NR3C2: variants seen among roughly 807,000 people sequenced by gnomAD.
NR3C2 encodes nuclear receptor subfamily 3 group C member 2, also known as mineralocorticoid receptor.
In NR3C2, 15 loss-of-function variants were observed where a neutral mutation model predicts 86.4. The observed-to-expected ratio is 0.17, with a 90% CI of 0.12 to 0.27. The LOEUF (loss-of-function observed/expected upper bound fraction) is 0.27. Among genes scored for constraint, NR3C2 ranks in the 10% least tolerant of loss-of-function variants. NR3C2 has a pLI of 1.00. For missense variants in NR3C2, 960 were observed against 1,195.6 expected, an observed-to-expected ratio of 0.80 and a Z score of 2.91; for synonymous variants, 458 against 450.5, an observed-to-expected ratio of 1.02 and a Z score of -0.21.
chr4:148,216,516 G>A (rs556105848), intron 3 of NR3C2, among the ~76,000 whole-genome samples: 1 of 152,262 alleles, frequency 6.6e-6, no homozygotes, highest in Admixed American at 6.5e-5. Context: ...CAAGCAGACA[G>A]GCTCTGGCAC....
At chr4:148,158,150 C>T (rs887429535) in intron 4 of NR3C2, among the ~76,000 whole-genome samples, 16 of 152,192 alleles carry the variant, frequency 1.1e-4, no homozygotes, top group African/African-American at 3.9e-4. Context: ...TGACCAAGAA[C>T]TGCCCAGGAG....
At chr4:148,295,637 C>T (rs1025064810) in intron 2 of NR3C2, among the ~76,000 whole-genome samples, 1 of 151,168 alleles carries the variant, frequency 6.6e-6, no homozygotes, top group African/African-American at 2.4e-5. Flanking sequence ...TCCAAGATAC[C>T]TGAGCTCATG....
intron 8 of NR3C2, among the ~76,000 whole-genome samples, chr4:148,093,006 C>T (rs147668524): frequency 7.2e-5 from 11 of 152,334 alleles, no homozygotes; most frequent in Admixed American, 2.0e-4. Flanking sequence ...ACCCTAATTA[C>T]AATCAGCAAT....
At chr4:148,364,409 T>C (rs1012611980) in intron 2 of NR3C2, among the ~76,000 whole-genome samples, 1 of 152,172 alleles carries the variant, frequency 6.6e-6, no homozygotes, top group Non-Finnish European at 1.5e-5. Flanking sequence ...AAAAGTAATC[T>C]TCTTTGCTTC....
chr4:148,286,779 T>C (rs1741543175), intron 2 of NR3C2, among the ~76,000 whole-genome samples: 2 of 152,340 alleles, frequency 1.3e-5, no homozygotes, highest in South Asian at 4.1e-4. Flanking sequence ...TCTAATTTTA[T>C]ATACATCAAC....
At chr4:148,211,829 T>C (rs1163495788) in intron 3 of NR3C2, among the ~76,000 whole-genome samples, 1 of 152,244 alleles carries the variant, frequency 6.6e-6, no homozygotes, top group South Asian at 2.1e-4. Context: ...TCCAATCATT[T>C]TCTGGTGGAC....
intron 2 of NR3C2, among the ~76,000 whole-genome samples, chr4:148,336,669 T>C (rs764770561): frequency 1.4e-4 from 22 of 152,154 alleles, no homozygotes; most frequent in Non-Finnish European, 2.9e-4. Flanking sequence ...AGAACAGAGT[T>C]TTCTAGATTT....
At chr4:148,126,072 G>A (rs1406208551) in intron 6 of NR3C2, among the ~76,000 whole-genome samples, 1 of 152,174 alleles carries the variant, frequency 6.6e-6, no homozygotes, top group African/African-American at 2.4e-5. Context: ...ATATGCATTT[G>A]ATTCCTTAAG....
chr4:148,331,150 A>G (rs1485112100), intron 2 of NR3C2, among the ~76,000 whole-genome samples: 1 of 151,890 alleles, frequency 6.6e-6, no homozygotes, highest in Non-Finnish European at 1.5e-5. Context: ...ATCTAATCCC[A>G]AACTTTGTCA....
intron 2 of NR3C2, among the ~76,000 whole-genome samples, chr4:148,343,867 C>T (rs1176433085): frequency 6.6e-6 from 1 of 152,106 alleles, no homozygotes; most frequent in Non-Finnish European, 1.5e-5. Flanking sequence ...ATTACAACTG[C>T]TTCATAGAAA....
At chr4:148,401,617 C>T (rs1300951754) in intron 2 of NR3C2, among the ~76,000 whole-genome samples, 6 of 151,992 alleles carry the variant, frequency 3.9e-5, no homozygotes, top group Admixed American at 1.3e-4. Context: ...GCACCCGCCA[C>T]CACGCCCGGC....
intron 2 of NR3C2, among the ~76,000 whole-genome samples, chr4:148,387,337 C>T (rs1285191032): frequency 2.0e-5 from 3 of 152,140 alleles, no homozygotes; most frequent in Admixed American, 6.6e-5. Context: ...TCAGATCCAA[C>T]GACATTACAA....
chr4:148,136,065 A>AT (rs1733305824), intron 6 of NR3C2, among the ~76,000 whole-genome samples: 1 of 96,840 alleles, frequency 1.0e-5, no homozygotes, highest in Non-Finnish European at 2.3e-5. Context: ...TCAAAAAAAA[A>AT]AAAAAAAAAA....
intron 3 of NR3C2, among the ~76,000 whole-genome samples, chr4:148,246,450 C>T (rs768078472): frequency 3.0e-4 from 46 of 152,172 alleles, no homozygotes; most frequent in Admixed American, 8.5e-4. Context: ...GTATCATATC[C>T]ACAAGTATCT....
chr4:148,242,014 G>GT (rs2149849146), intron 3 of NR3C2, among the ~76,000 whole-genome samples: 1 of 152,264 alleles, frequency 6.6e-6, no homozygotes, highest in South Asian at 2.1e-4. Context: ...GAGACAGAAA[G>GT]TAGAATGGTG....
intron 8 of NR3C2, among the ~76,000 whole-genome samples, chr4:148,082,594 T>C (rs904589795): frequency 2.0e-5 from 3 of 151,292 alleles, no homozygotes; most frequent in African/African-American, 7.3e-5. Context: ...CTTGGGTGCC[T>C]ATGCCACCAG....
At position 148,436,412 on chromosome 4, in the gene NR3C2, C is replaced by G; in HGVS notation, c.449G>C (p.Arg150Pro). The change falls in exon 2 of 9, where the codon CGT becomes CCT. Residue 150 changes from arginine to proline, a missense_variant. This residue lies in a region of NR3C2 where 680 missense variants were observed against 719.0 expected (regional missense o/e 0.95). Transcript: ENST00000358102. ...GTTCACACAACTTAGAGTGGAAGGA[C>G]GATGGCCATTTCCTTTGTAAAATTT... The part of the protein sequence containing the change: ...LVKFYKGNGH[R>P]PSTLSCVNTP... 1 of 1,614,120 alleles carries G rather than the reference C, an allele frequency of 6.2e-7. No individual in the cohort carries two copies. Among genetic ancestry groups the G allele is most frequent in the Non-Finnish European group, 8.5e-7 (1 of 1,180,024 alleles).
chr4:148,368,561 A>G (rs1438676598), intron 2 of NR3C2: 1 of 152,158 alleles, frequency 6.6e-6, no homozygotes, highest in African/African-American at 2.4e-5. Flanking sequence ...CATATATACA[A>G]TCTTGTATTT....
chr4:148,148,845 A>AT (rs896424852), intron 6 of NR3C2, among the ~76,000 whole-genome samples: 11 of 152,054 alleles, frequency 7.2e-5, no homozygotes, highest in South Asian at 2.1e-4. Flanking sequence ...TGAGAGAGGG[A>AT]TTTTTTTTCT....
Sources: allele counts gnomAD v4.1 joint callset (sites outside exome capture counted in the v4.1 genomes callset), GRCh38; gene constraint gnomAD v4.1.1; regional missense constraint gnomAD v4.1.1; transcripts MANE v1.5; gene names NCBI Gene and HGNC (gene_info 2026-07-23, HGNC 2026-07-21).